Variants in LRRC49 observed in about 807,000 individuals in gnomAD.
The protein encoded by LRRC49 is leucine-rich repeat-containing protein 49.
LRRC49 carries 50 observed loss-of-function variants against 83.3 expected under a neutral mutation model. The observed-to-expected ratio is 0.60, with a 90% CI of 0.48 to 0.76. The LOEUF (loss-of-function observed/expected upper bound fraction) is 0.76, where lower values mean the gene tolerates loss of function less well. Ranked by LOEUF, LRRC49 falls within the 30% of genes least tolerant of loss-of-function variation. The pLI is 0.00. For missense variants in LRRC49, 704 were observed against 809.1 expected (o/e 0.87, Z 1.58); for synonymous variants, 286 against 283.3 (o/e 1.01, Z -0.10).
At chr15:70,876,070 G>A (rs150664196) in intron 2 of LRRC49, among the ~76,000 whole-genome samples, 5 of 151,962 alleles carry the variant, frequency 3.3e-5, no homozygotes, top group African/African-American at 1.2e-4. Context: ...TCTCATTTTC[G>A]ATCACTTTTG....
intron 2 of LRRC49, among the ~76,000 whole-genome samples, chr15:70,877,386 G>A (rs1305697276): frequency 3.3e-5 from 5 of 152,118 alleles, no homozygotes; most frequent in Admixed American, 6.5e-5. Flanking sequence ...ACCACTGATG[G>A]ATTCCTTTCT....
intron 14 of LRRC49, among the ~76,000 whole-genome samples, chr15:71,035,725 A>G (rs1232096986): frequency 6.6e-6 from 1 of 151,634 alleles, no homozygotes; most frequent in Non-Finnish European, 1.5e-5. Context: ...TATATTCCAC[A>G]TTTTCTTTAT....
chr15:70,898,593 G>A (rs1239512055), intron 3 of LRRC49: 2 of 509,640 alleles, frequency 3.9e-6, no homozygotes, highest in East Asian at 3.2e-5. Context: ...CTTGAACATG[G>A]GTAATATGAT....
At chr15:70,934,832 T>G (rs1308444281) in intron 7 of LRRC49, among the ~76,000 whole-genome samples, 2 of 152,168 alleles carry the variant, frequency 1.3e-5, no homozygotes, top group Non-Finnish European at 2.9e-5. Flanking sequence ...CCAATAACAA[T>G]GATTGTGCCC....
At chr15:70,959,263 C>A (rs12592655) in intron 8 of LRRC49, among the ~76,000 whole-genome samples, 1 of 151,876 alleles carries the variant, frequency 6.6e-6, no homozygotes, top group East Asian at 1.9e-4. Flanking sequence ...GAGGCCGAGG[C>A]GGGCGGATCA....
intron 9 of LRRC49, among the ~76,000 whole-genome samples, chr15:70,967,148 G>A (rs2036821923): frequency 6.6e-6 from 1 of 152,096 alleles, no homozygotes; most frequent in Non-Finnish European, 1.5e-5. Context: ...AGAGAATATA[G>A]CAGCTGACAG....
chr15:70,935,167 C>G (rs2035552251), intron 7 of LRRC49, among the ~76,000 whole-genome samples: 1 of 152,212 alleles, frequency 6.6e-6, no homozygotes, highest in African/African-American at 2.4e-5. Context: ...CCATGAAAAG[C>G]TCTAAAAATC....
At position 70,859,588 on chromosome 15, in the gene LRRC49, G is replaced by T. The variant is rs2032736005; in HGVS notation, c.-299+6119G>T. On this transcript the variant is annotated intron_variant, in intron 1 of 16. Transcript: ENST00000544974. ...TCAAGTATGAGGAGCTGCAGACGCT[G>T]GCTGGGAAGCTTGGGCATGACCTGC... 3 of 655,526 alleles carry T rather than the reference G, an allele frequency of 4.6e-6. No homozygotes were observed. In the African/African-American group the frequency reaches 5.3e-5, roughly 12 times the overall value. 40.6% of individuals were successfully genotyped at this position (655,526 alleles called of 1,614,324 possible).
chr15:70,861,754 A>C (rs2032795218), intron 1 of LRRC49, among the ~76,000 whole-genome samples: 1 of 152,170 alleles, frequency 6.6e-6, no homozygotes, highest in Non-Finnish European at 1.5e-5. Flanking sequence ...GAATGTCACA[A>C]GTTAAAAATA....
At chr15:70,999,596 C>A (rs2038192093) in intron 11 of LRRC49, among the ~76,000 whole-genome samples, 1 of 152,122 alleles carries the variant, frequency 6.6e-6, no homozygotes, top group Non-Finnish European at 1.5e-5. Context: ...TTGTGTGGAA[C>A]CTGAAGATCA....
intron 1 of LRRC49, chr15:70,860,195 C>T: frequency 6.2e-6 from 4 of 645,272 alleles, no homozygotes; most frequent in Non-Finnish European, 1.1e-5. Flanking sequence ...TCCTACCCCT[C>T]CTGCGGCTGC....
intron 5 of LRRC49, among the ~76,000 whole-genome samples, chr15:70,905,830 A>C (rs565243359): frequency 6.6e-6 from 1 of 152,106 alleles, no homozygotes; most frequent in African/African-American, 2.4e-5. Context: ...GCTTCCTTCC[A>C]TGAGCGTCAT....
At chr15:70,977,439 G>A (rs191352863) in intron 9 of LRRC49, among the ~76,000 whole-genome samples, 6 of 152,288 alleles carry the variant, frequency 3.9e-5, no homozygotes, top group Admixed American at 1.3e-4. Flanking sequence ...GAGGCTAGGC[G>A]TTTGAGACCA....
At chr15:70,977,420 A>T (rs1171292425) in intron 9 of LRRC49, among the ~76,000 whole-genome samples, 1 of 152,164 alleles carries the variant, frequency 6.6e-6, no homozygotes, top group Non-Finnish European at 1.5e-5. Flanking sequence ...TGAAGTGGGC[A>T]GATCACATGA....
At chr15:70,900,672 G>T (rs1390365988) in intron 3 of LRRC49, 6 of 469,664 alleles carry the variant, frequency 1.3e-5, no homozygotes, top group Non-Finnish European at 2.4e-5. Flanking sequence ...CACTGGACTA[G>T]TTCTGTACTT....
chr15:71,021,952 A>C (rs1159572462), intron 14 of LRRC49, among the ~76,000 whole-genome samples: 1 of 152,256 alleles, frequency 6.6e-6, no homozygotes, highest in African/African-American at 2.4e-5. Context: ...GGGGCCTGAG[A>C]GTAGGCCTTA....
intron 11 of LRRC49, among the ~76,000 whole-genome samples, chr15:71,004,475 C>T (rs2141255869): frequency 6.6e-6 from 1 of 152,062 alleles, no homozygotes; most frequent in African/African-American, 2.4e-5. Context: ...CATGGTGAAA[C>T]CCCGTCTCTA....
At chr15:70,976,784 C>A (rs1489754143) in intron 9 of LRRC49, among the ~76,000 whole-genome samples, 2 of 151,946 alleles carry the variant, frequency 1.3e-5, no homozygotes, top group African/African-American at 4.8e-5. Context: ...CAAGAAGATA[C>A]CAGAATTTTA....
chr15:70,893,589 C>T lies in LRRC49; in HGVS notation c.54C>T (p.Asn18=). ...GTTTAATTTTTACATTTCAGGTGAA[C>T]TGCGGGCTTCATCTGGTTATTCAAA... The part of the protein sequence containing the change: ...SVSGRAANNV[N]CGLHLVIQTS... The change falls in exon 2 of 16, where the codon AAC becomes AAT. Residue 18 remains asparagine, a synonymous_variant. Coordinates refer to ENST00000260382, the MANE Select transcript of LRRC49 (RefSeq NM_017691.5). 1 of 1,606,404 alleles carries T rather than the reference C, an allele frequency of 6.2e-7. No homozygotes were observed. The highest frequency in any genetic ancestry group is 8.5e-7 in the Non-Finnish European group (1 of 1,175,376).
Sources: gnomAD v4.1 joint callset for allele counts (sites outside exome capture counted in the v4.1 genomes callset) on GRCh38, gnomAD v4.1.1 for gene constraint, MANE v1.5 for transcripts, NCBI Gene and HGNC (gene_info 2026-07-23, HGNC 2026-07-21) for gene names.